Variants in UMODL1 observed in about 807,000 individuals in gnomAD.
The protein encoded by UMODL1 is uromodulin-like 1.
A neutral mutation model predicts 136.3 loss-of-function variants in UMODL1; 128 were observed. The observed-to-expected ratio is 0.94, with a 90% CI of 0.81 to 1.09. The LOEUF (loss-of-function observed/expected upper bound fraction) is 1.09. UMODL1 is among the 50% of genes least tolerant of loss of function. UMODL1 has a pLI of 0.00. For missense variants in UMODL1, 1,766 were observed against 1,725.6 expected, an observed-to-expected ratio of 1.02 and a Z score of -0.41; for synonymous variants, 721 against 720.0, an observed-to-expected ratio of 1.00 and a Z score of -0.02.
chr21:42,122,878 C>G lies in UMODL1; in HGVS notation c.2875C>G (p.Leu959Val). The part of the protein sequence containing the change: ...ETWATSPERP[L>V]TTAGTKAAFV... ...CTGGGCCACCAGCCCAGAGAGGCCT[C>G]TCACCACAGCAGGGACCAAGGCTGC... Residue 959 changes from leucine to valine, a missense_variant, in exon 17 of 23, where the codon CTC (leucine) becomes GTC (valine). Transcript: ENST00000408910. This position sits in a 1 kb window ranked among gnomAD's most constrained non-coding sequence, Gnocchi z 4.3. The G allele has an allele frequency of 6.2e-7, 1 of 1,611,444 alleles. No individual in the cohort carries two copies. Among genetic ancestry groups the G allele is most frequent in the Non-Finnish European group, 8.5e-7 (1 of 1,178,052 alleles).
chr21:42,110,133 C>T (rs1027115568), intron 10 of UMODL1, among the ~76,000 whole-genome samples: 1 of 152,164 alleles, frequency 6.6e-6, no homozygotes, highest in Non-Finnish European at 1.5e-5. Context: ...CAGAGAGGCC[C>T]GATGGGGGCC....
At chr21:42,069,103 G>C (rs1030394493), upstream of UMODL1, among the ~76,000 whole-genome samples, 4 of 152,188 alleles carry the variant, frequency 2.6e-5, no homozygotes, top group Non-Finnish European at 5.9e-5. Flanking sequence ...GTATGGGGTT[G>C]TTTTTCTCCT....
At chr21:42,068,243 C>G (rs576673984), upstream of UMODL1, among the ~76,000 whole-genome samples, 1 of 152,332 alleles carries the variant, frequency 6.6e-6, no homozygotes, top group Non-Finnish European at 1.5e-5. This position sits in a 1 kb window ranked among gnomAD's most constrained non-coding sequence, Gnocchi z 5.5. Flanking sequence ...GACACGGTCC[C>G]GTCCTCAAGG....
At position 42,098,961 on chromosome 21, in the gene UMODL1, G is replaced by A. The variant is rs370301179; in HGVS notation, c.967G>A (p.Val323Ile). 50 of 1,614,044 alleles carry A rather than the reference G, an allele frequency of 3.1e-5. No homozygotes were observed. The highest frequency in any genetic ancestry group is 5.3e-5 in the African/African-American group (4 of 74,908). The change falls in exon 7 of 23, where the codon GTC becomes ATC. Residue 323 changes from valine (V) to isoleucine (I), a missense_variant. Coordinates refer to ENST00000408910, the MANE Select transcript of UMODL1 (RefSeq NM_001004416.3). ...AGTCAGTGACTACGTGGTCCTCAAC[G>A]TCACCAGTGACAGTTTTCAAGTATC... Reference protein sequence around the residue: ...PPVSDYVVLNVTSDSFQVSWR... With the variant: ...PPVSDYVVLNITSDSFQVSWR...
intron 2 of UMODL1, among the ~76,000 whole-genome samples, chr21:42,076,713 T>C (rs1050346514): frequency 1.3e-5 from 2 of 152,222 alleles, no homozygotes; most frequent in Non-Finnish European, 2.9e-5. Context: ...CAGCAGCCTT[T>C]TCTTTCTAAA....
At chr21:42,133,989 C>T (rs541499960) in intron 21 of UMODL1, among the ~76,000 whole-genome samples, 3 of 152,364 alleles carry the variant, frequency 2.0e-5, no homozygotes, top group Non-Finnish European at 4.4e-5. Context: ...ATGATCTCGG[C>T]TCACTGCAAC....
At chr21:42,126,888 C>A in intron 18 of UMODL1, 118 bp from the exon 19 acceptor site, 1 of 882,932 alleles carries the variant, frequency 1.1e-6, no homozygotes, top group Non-Finnish European at 1.9e-6. Context: ...TTGAGGGGGT[C>A]TTCTCGTTCA....
chr21:42,121,997 G>A lies in UMODL1; in HGVS notation c.2827+773G>A, dbSNP rs1443097655. ...CTGCAGGAGATGGGTGGCAGAGAGC[G>A]AGAAGCAGGCTGCCCAGGGAGGCGG... On this transcript the variant is annotated intron_variant, in intron 16 of 22. Transcript: ENST00000408910. Among the ~76,000 whole-genome samples the A allele has an allele frequency of 2.6e-5, 4 of 152,310 alleles. No individual in the cohort carries two copies. The South Asian group carries it at 6.2e-4, about 24-fold the overall frequency.
intron 1 of UMODL1, among the ~76,000 whole-genome samples, chr21:42,063,479 GC>G (rs1443135498): frequency 2.0e-5 from 3 of 152,194 alleles, no homozygotes; most frequent in Non-Finnish European, 4.4e-5. Context: ...TTTTTAAAGA[GC>G]TTCCCAGCAG....
In UMODL1 at chr21:42,085,588, T is replaced by C. The variant is rs1227130291; in HGVS notation, c.603+176T>C. The C allele has an allele frequency of 3.1e-6, 3 of 970,082 alleles. No individual in the cohort carries two copies. The highest frequency in any genetic ancestry group is 1.6e-5 in the African/African-American group (1 of 61,282). 60.1% of individuals were successfully genotyped at this position (970,082 alleles called of 1,614,324 possible). On this transcript the variant is annotated intron_variant, in intron 4 of 22. Coordinates refer to ENST00000408910, the MANE Select transcript of UMODL1 (RefSeq NM_001004416.3). The surrounding 1 kb of genome is among the most constrained non-coding windows in gnomAD (Gnocchi z 4.5). The stretch of plus-strand genomic sequence containing the variant: ...TCTTAAAAAATCAGCTTCAAAGAGG[T>C]ATGATTTACATGCAACAAAATGCAC...
upstream of UMODL1, among the ~76,000 whole-genome samples, chr21:42,070,202 G>A (rs570476352): frequency 6.6e-6 from 1 of 152,306 alleles, no homozygotes; most frequent in African/African-American, 2.4e-5. Flanking sequence ...GAACACCAGG[G>A]AATTATGCTC....
At chr21:42,069,412 A>G (rs181381577), upstream of UMODL1, among the ~76,000 whole-genome samples, 1 of 152,274 alleles carries the variant, frequency 6.6e-6, no homozygotes, top group East Asian at 1.9e-4. Flanking sequence ...CATTTTATGG[A>G]TGATTATAAA....
At chr21:42,106,268 C>T (rs1047447205) in intron 9 of UMODL1, among the ~76,000 whole-genome samples, 3 of 152,224 alleles carry the variant, frequency 2.0e-5, no homozygotes, top group Non-Finnish European at 2.9e-5. Flanking sequence ...CATCCACCCC[C>T]GCTGAGAGCC....
intron 2 of UMODL1, among the ~76,000 whole-genome samples, chr21:42,078,355 C>A (rs559048923): frequency 1.7e-4 from 6 of 35,418 alleles, no homozygotes; most frequent in African/African-American, 9.7e-4. Context: ...GCCGGGCCAG[C>A]TGACCCCAGA....
chr21:42,075,860 G>A (rs1397028073), intron 1 of UMODL1, 145 bp from the exon 2 acceptor site: 3 of 1,184,838 alleles, frequency 2.5e-6, no homozygotes, highest in Admixed American at 2.0e-5. Context: ...CCAGTGGAGA[G>A]GGCTGGTGGG....
intron 1 of UMODL1, among the ~76,000 whole-genome samples, chr21:42,073,355 A>G (rs572270941): frequency 4.6e-5 from 7 of 152,314 alleles, no homozygotes; most frequent in African/African-American, 1.2e-4. Context: ...TGGTCCCGGA[A>G]GCTGATTTGT....
Position 42,111,278 on chromosome 21 carries a change from G to A in UMODL1, c.1899+157G>A, listed in dbSNP as rs1569162840. The A allele has an allele frequency of 2.1e-6, 3 of 1,424,422 alleles. 1 individual carries two copies. The highest frequency in any genetic ancestry group is 2.7e-5 in the South Asian group (2 of 75,118). The allele number at this position is 1,424,422 out of a possible 1,614,324, so 88.2% of individuals were successfully genotyped here. On this transcript the variant is annotated intron_variant, in intron 11 of 22. Transcript: ENST00000408910. ...CACCAGCCAGGGGAGCCCCAGCCAG[G>A]TGAACCCCAGCCAGCGGAGCACCAG...
Position 42,064,001 on chromosome 21 carries a change from G to A in UMODL1, c.-141+787G>A, listed in dbSNP as rs537537371. Among the ~76,000 whole-genome samples, 14 of 152,232 alleles carry A rather than the reference G, an allele frequency of 9.2e-5. No individual in the cohort carries two copies. The South Asian group carries it at 1.5e-3, about 16-fold the overall frequency. Reference sequence around the variant, plus strand: ...GCCTGTGGGATGTGTGGGCTGACTCGTACATTAGGATGTGTGTCAATCTGA... The same window carrying A: ...GCCTGTGGGATGTGTGGGCTGACTCATACATTAGGATGTGTGTCAATCTGA... On this transcript the variant is annotated intron_variant, in intron 1 of 22. Transcript: ENST00000400424.
At chr21:42,083,304 T>C (rs1345683975) in intron 2 of UMODL1, among the ~76,000 whole-genome samples, 1 of 152,210 alleles carries the variant, frequency 6.6e-6, no homozygotes, top group Non-Finnish European at 1.5e-5. Flanking sequence ...GCCCCAGGGA[T>C]GCCAGACCCG....
Sources: gnomAD v4.1 joint callset for allele counts (sites outside exome capture counted in the v4.1 genomes callset) on GRCh38, gnomAD v4.1.1 for gene constraint, Gnocchi (gnomAD v3.1) non-coding constraint, MANE v1.5 for transcripts, NCBI Gene and HGNC (gene_info 2026-07-23, HGNC 2026-07-21) for gene names.